The following ANKRD24 variants were observed in gnomAD, a reference collection of about 807,000 sequenced individuals.
ANKRD24 encodes ankyrin repeat domain 24.
Under a neutral mutation model 127.8 loss-of-function variants are expected in ANKRD24, and 109 were observed. The observed-to-expected ratio is 0.85, with a 90% CI of 0.73 to 1.00. The LOEUF is 1.00. Among genes scored for constraint, ANKRD24 ranks in the 50% least tolerant of loss-of-function variants. ANKRD24 has a pLI of 0.00. For synonymous variants in ANKRD24, 743 were observed against 671.1 expected (o/e 1.11, Z -1.66); for missense variants, 1,648 against 1,570.2 (o/e 1.05, Z -0.84).
chr19:4,224,401 G>C lies in ANKRD24; in HGVS notation c.3364-27G>C, dbSNP rs1455811635. On this transcript the variant is annotated intron_variant, in intron 21 of 21. Transcript: ENST00000318934. ...GGGCAGCCATGGAGGGTATACTCAG[G>C]GTCTTCCTCTACTCCCCCAACCCTA... is the stretch of plus-strand genomic sequence containing the variant. 3 of 1,609,282 alleles carry C rather than the reference G, an allele frequency of 1.9e-6. No individual in the cohort carries two copies. The African/African-American group carries it at 4.0e-5, about 22-fold the overall frequency.
intron 2 of ANKRD24, among the ~76,000 whole-genome samples, chr19:4,194,059 CTT>C (rs1182793099): frequency 6.7e-6 from 1 of 149,960 alleles, no homozygotes; most frequent in African/African-American, 2.4e-5. Context: ...ACTGTCTACA[CTT>C]TTTTCTTCAT....
intron 19 of ANKRD24, among the ~76,000 whole-genome samples, chr19:4,221,995 G>A (rs908353744): frequency 2.0e-5 from 3 of 152,190 alleles, no homozygotes; most frequent in African/African-American, 7.2e-5. Context: ...GAGAACCCCA[G>A]ATCTATAGTA....
intron 15 of ANKRD24, 52 bp from the exon 16 acceptor site, chr19:4,215,904 CCACTGGAGTCTTGGTGGGGACA>C: frequency 1.6e-6 from 2 of 1,234,854 alleles, no homozygotes; most frequent in Non-Finnish European, 2.3e-6. Context: ...AGCCCAGTCC[CCACTGGAGTCTTGGTGGGGACA>C]CACGGGGGCT....
chr19:4,206,347 A>AG (rs1398196272), intron 7 of ANKRD24, among the ~76,000 whole-genome samples: 11 of 151,282 alleles, frequency 7.3e-5, no homozygotes. Flanking sequence ...ATTAAAAAAA[A>AG]GAATTAGCCA....
chr19:4,207,667 A>T (rs1599434504), intron 9 of ANKRD24, 60 bp downstream of exon 9: 1 of 1,603,736 alleles, frequency 6.2e-7, no homozygotes, highest in Admixed American at 1.7e-5. Flanking sequence ...GCAAGACTTA[A>T]CCTAAGTAAG....
chr19:4,202,229 G>C, intron 6 of ANKRD24, 139 bp downstream of exon 6: 2 of 765,130 alleles, frequency 2.6e-6, no homozygotes, highest in Non-Finnish European at 4.4e-6. Flanking sequence ...CTACTCCCTG[G>C]ATAACCAGGT....
intron 2 of ANKRD24, among the ~76,000 whole-genome samples, chr19:4,197,073 T>C (rs10409963): frequency 0.15 from 22,484 of 152,130 alleles, 1,831 homozygotes; most frequent in African/African-American, 0.2. Context: ...AGGTAGTACC[T>C]TGGCATCCTC....
Position 4,217,794 on chromosome 19 carries a change from G to A in ANKRD24, c.2634G>A (p.Arg878=), listed in dbSNP as rs1970199346. The change falls in exon 18 of 22, where the codon CGG becomes CGA. Residue 878 remains arginine (R), a synonymous_variant. Transcript: ENST00000318934. ...RTAAAELGRA[R]DAAEARVAEL... ...CGGCCGCGGAACTGGGCCGGGCACG[G>A]GACGCCGCTGAGGCCCGAGTGGCTG... 2 of 1,343,192 alleles carry A rather than the reference G, an allele frequency of 1.5e-6. No individual in the cohort carries two copies. The highest frequency in any genetic ancestry group is 1.6e-5 in the African/African-American group (1 of 64,086). The allele number at this position is 1,343,192 out of a possible 1,614,324, so 83.2% of individuals were successfully genotyped here.
At chr19:4,207,459 G>C in intron 8 of ANKRD24, 42 bp from the exon 9 acceptor site, 1 of 1,598,188 alleles carries the variant, frequency 6.3e-7, no homozygotes, top group Non-Finnish European at 8.6e-7. Flanking sequence ...CCTCCCGGGG[G>C]TCAGTTTCTC....
intron 1 of ANKRD24, among the ~76,000 whole-genome samples, chr19:4,185,695 T>C (rs1753794367): frequency 6.6e-6 from 1 of 152,186 alleles, no homozygotes; most frequent in East Asian, 1.9e-4. Context: ...TATGGGTGAA[T>C]TGCTGTCACA....
chr19:4,208,963 G>A, intron 11 of ANKRD24, 162 bp downstream of exon 11: 2 of 729,332 alleles, frequency 2.7e-6, no homozygotes, highest in Non-Finnish European at 4.5e-6. Flanking sequence ...GCGGCAGTGT[G>A]CTCAGCCTAA....
chr19:4,200,309 GCCCCCA>G, intron 5 of ANKRD24, 138 bp downstream of exon 5: 1 of 948,330 alleles, frequency 1.1e-6, no homozygotes, highest in Non-Finnish European at 1.5e-6. Context: ...CTCCTCCCCT[GCCCCCA>G]GGGAGACACA....
intron 11 of ANKRD24, 94 bp downstream of exon 11, chr19:4,208,895 G>T: frequency 7.2e-7 from 1 of 1,394,004 alleles, no homozygotes; most frequent in Non-Finnish European, 9.9e-7. Flanking sequence ...AAGGAAGTTA[G>T]ACCTGGGAAA....
rs1171599919 is a variant in ANKRD24 at position 4,217,504 on chromosome 19, G to A, written c.2344G>A (p.Gly782Ser). 2.1e-6 allele frequency: 3 copies of A among 1,401,952 alleles called. No individual in the cohort carries two copies. Among genetic ancestry groups the A allele is most frequent in the Admixed American group, 3.4e-5 (1 of 29,496 alleles). The allele number at this position is 1,401,952 out of a possible 1,614,324, so 86.8% of individuals were successfully genotyped here. A position where few individuals can be genotyped will look rare whatever the true frequency, so the allele number is the denominator to read the frequency against. Residue 782 changes from glycine (G) to serine (S), a missense_variant, in exon 18 of 22, where the codon GGT (glycine) becomes AGT (serine). Coordinates refer to ENST00000318934, the MANE Select transcript of ANKRD24 (RefSeq NM_001393985.1). ...CAGCGGGGCCAGCGGGGGCGGTGGCGGTGACACCACACAGCTGCGGGCGGC... is the reference window on the plus strand; with the variant it reads ...CAGCGGGGCCAGCGGGGGCGGTGGCAGTGACACCACACAGCTGCGGGCGGC... ...EGSGASGGGG[G>S]DTTQLRAALE...
At chr19:4,185,989 AAAG>A (rs1482746920) in intron 1 of ANKRD24, among the ~76,000 whole-genome samples, 6 of 152,164 alleles carry the variant, frequency 3.9e-5, no homozygotes, top group African/African-American at 1.4e-4. Context: ...AGAGAAGAAA[AAAG>A]AAACCATTCT....
In ANKRD24 at chr19:4,217,530, C is replaced by T. The variant is rs1321923783; in HGVS notation, c.2370C>T (p.Ala790=). 1.3e-5 allele frequency: 18 copies of T among 1,355,906 alleles called. No individual in the cohort carries two copies. In the East Asian group the frequency reaches 2.2e-4, roughly 16 times the overall value. 84.0% of individuals were successfully genotyped at this position (1,355,906 alleles called of 1,614,324 possible). A position where few individuals can be genotyped will look rare whatever the true frequency, so the allele number is the denominator to read the frequency against. The change falls in exon 18 of 22, where the codon GCC becomes GCT. Residue 790 remains alanine, a synonymous_variant. Coordinates refer to ENST00000318934, the MANE Select transcript of ANKRD24 (RefSeq NM_001393985.1). The part of the protein sequence containing the change: ...GGGDTTQLRA[A]LEQAREDLRD... Reference sequence around the variant, plus strand: ...GTGACACCACACAGCTGCGGGCGGCCCTGGAGCAGGCCCGGGAGGACCTCC... The same window carrying T: ...GTGACACCACACAGCTGCGGGCGGCTCTGGAGCAGGCCCGGGAGGACCTCC...
chr19:4,215,944 G>C (rs903582777), intron 15 of ANKRD24, 34 bp from the exon 16 acceptor site: 6 of 1,544,264 alleles, frequency 3.9e-6, no homozygotes, highest in Non-Finnish European at 4.4e-6. Context: ...GCTGAGAGCA[G>C]AACCCCGAGC....
chr19:4,200,346 G>T (rs1034446656), intron 5 of ANKRD24, among the ~76,000 whole-genome samples, 175 bp downstream of exon 5: 1 of 152,148 alleles, frequency 6.6e-6, no homozygotes. Context: ...TTAGGATGGG[G>T]TGGCCAAAGA....
intron 20 of ANKRD24, among the ~76,000 whole-genome samples, chr19:4,223,754 C>T (rs530774933): frequency 5.9e-5 from 9 of 152,058 alleles, no homozygotes; most frequent in African/African-American, 1.4e-4. Flanking sequence ...TTAGTAAAGA[C>T]GGGGTTTCAC....
Sources: gnomAD v4.1 joint callset for allele counts (sites outside exome capture counted in the v4.1 genomes callset) on GRCh38, gnomAD v4.1.1 for gene constraint, MANE v1.5 for transcripts, NCBI Gene and HGNC (gene_info 2026-07-23, HGNC 2026-07-21) for gene names.